The following SZRD1 variants were observed in gnomAD, a reference collection of about 807,000 sequenced individuals.
SZRD1 encodes SUZ RNA binding domain containing 1.
In SZRD1, 7 loss-of-function variants were observed where a neutral mutation model predicts 17.6. The ratio of observed to expected loss-of-function variants is 0.40; its 90% CI spans 0.23 to 0.75. The LOEUF (loss-of-function observed/expected upper bound fraction) is 0.75, where lower values mean the gene tolerates loss of function less well. Among genes scored for constraint, SZRD1 ranks in the 30% least tolerant of loss-of-function variants. SZRD1 has a pLI of 0.38. For synonymous variants in SZRD1, 77 were observed against 77.9 expected (o/e 0.99, Z 0.06); for missense variants, 178 against 201.8 (o/e 0.88, Z 0.71).
intron 1 of SZRD1, among the ~76,000 whole-genome samples, chr1:16,380,570 G>A (rs147181501): frequency 0.011 from 1,661 of 152,242 alleles, 32 homozygotes; most frequent in African/African-American, 0.037. Flanking sequence ...CCGGGTTCAA[G>A]CGATTCTCCC....
intron 1 of SZRD1, among the ~76,000 whole-genome samples, chr1:16,376,816 A>AAC (rs1246813438): frequency 6.6e-6 from 1 of 150,896 alleles, no homozygotes; most frequent in African/African-American, 2.5e-5. Context: ...AAAAAAAAAA[A>AAC]AAAAAAAACG....
At chr1:16,374,152 A>G (rs2082958977) in intron 1 of SZRD1, among the ~76,000 whole-genome samples, 1 of 152,232 alleles carries the variant, frequency 6.6e-6, no homozygotes, top group East Asian at 1.9e-4. Flanking sequence ...AGTAAAAAGA[A>G]GGCATTTAAG....
chr1:16,384,230 ATTGT>A (rs2083152096), intron 1 of SZRD1, among the ~76,000 whole-genome samples: 2 of 152,122 alleles, frequency 1.3e-5, no homozygotes, highest in Non-Finnish European at 2.9e-5. Flanking sequence ...AAGTCCATGG[ATTGT>A]ACATCTGAAC....
intron 1 of SZRD1, chr1:16,367,722 A>T (rs1305074615): frequency 2.6e-5 from 5 of 189,934 alleles, no homozygotes; most frequent in Middle Eastern, 1.9e-3. Flanking sequence ...GCTTGCGCGG[A>T]CCAAGGAGGC....
In SZRD1 at chr1:16,393,497, C is replaced by T. The variant is rs1223567585; in HGVS notation, c.356+15C>T. ...ATCCTCGACAGGTGAGTGTGGCTGG[C>T]AGGGCCGGCCAGTGATGGCTGTCCC... On this transcript the variant is annotated intron_variant, in intron 3 of 3. Coordinates refer to ENST00000401088, the MANE Select transcript of SZRD1 (RefSeq NM_001114600.3). The surrounding 1 kb of genome is among the most constrained non-coding windows in gnomAD (Gnocchi z 5.6). The T allele has an allele frequency of 6.3e-7, 1 of 1,592,350 alleles. No homozygotes were observed. The highest frequency in any genetic ancestry group is 1.8e-5 in the Admixed American group (1 of 56,646).
Position 16,395,645 on chromosome 1 carries a change from T to C in SZRD1, c.*505T>C, listed in dbSNP as rs545212445. 1.1e-4 allele frequency: 17 copies of C among 158,112 alleles called. No homozygotes were observed. The highest frequency in any genetic ancestry group is 2.2e-4 in the African/African-American group (9 of 41,496). 9.8% of individuals were successfully genotyped at this position (158,112 alleles called of 1,614,324 possible). ...CTATTTTTGTTTGTTTATACAAATA[T>C]CTGATTTGCAAGAAAAAGTGCATGG... On this transcript the variant is annotated 3_prime_UTR_variant, in exon 4 of 4. Coordinates refer to ENST00000401088, the MANE Select transcript of SZRD1 (RefSeq NM_001114600.3).
At chr1:16,370,457 C>T (rs2082894748) in intron 1 of SZRD1, among the ~76,000 whole-genome samples, 1 of 151,886 alleles carries the variant, frequency 6.6e-6, no homozygotes, top group South Asian at 2.1e-4. Context: ...GAACTCCTGG[C>T]CTCAAGTGAT....
chr1:16,393,130 G>A lies in SZRD1; in HGVS notation c.102-98G>A. On this transcript the variant is annotated intron_variant, in intron 2 of 3. Coordinates refer to ENST00000401088, the MANE Select transcript of SZRD1 (RefSeq NM_001114600.3). This position sits in a 1 kb window ranked among gnomAD's most constrained non-coding sequence, Gnocchi z 5.6. ...AGAGAATCATGCATGGGTAGAATTA[G>A]GGAGGGAGAGGAAAGTGATGAGAGG... 6.8e-7 allele frequency: 1 copy of A among 1,475,984 alleles called. No individual in the cohort carries two copies. The highest frequency in any genetic ancestry group is 1.3e-5 in the South Asian group (1 of 79,704). 91.4% of individuals were successfully genotyped at this position (1,475,984 alleles called of 1,614,324 possible). A position where few individuals can be genotyped will look rare whatever the true frequency, so the allele number is the denominator to read the frequency against.
At chr1:16,379,832 C>G (rs1371291747) in intron 1 of SZRD1, among the ~76,000 whole-genome samples, 1 of 143,990 alleles carries the variant, frequency 6.9e-6, no homozygotes, top group East Asian at 2.2e-4. Context: ...GCAGTCTTGG[C>G]TCACTGCAAC....
intron 1 of SZRD1, among the ~76,000 whole-genome samples, chr1:16,371,241 G>T (rs1327354814): frequency 6.6e-6 from 1 of 151,926 alleles, no homozygotes; most frequent in Non-Finnish European, 1.5e-5. Context: ...GCCCAGGCTG[G>T]GGTGCAGTGG....
At chr1:16,389,199 T>C (rs575112352) in intron 1 of SZRD1, among the ~76,000 whole-genome samples, 1 of 137,446 alleles carries the variant, frequency 7.3e-6, no homozygotes, top group Non-Finnish European at 1.6e-5. Context: ...TCCTCCTGCC[T>C]CAGCCTCCCG....
intron 1 of SZRD1, among the ~76,000 whole-genome samples, chr1:16,375,865 T>C (rs762174120): frequency 1.3e-5 from 2 of 152,236 alleles, no homozygotes; most frequent in African/African-American, 2.4e-5. Flanking sequence ...CACTCTTCAC[T>C]GACCTTGAGA....
chr1:16,375,348 C>T (rs925802729), intron 1 of SZRD1, among the ~76,000 whole-genome samples: 64 of 151,966 alleles, frequency 4.2e-4, no homozygotes, highest in Middle Eastern at 3.4e-3. Context: ...AGGAGTTTCT[C>T]TCTGTCACCC....
In SZRD1 at chr1:16,395,122, C is replaced by G. The variant is rs1342521037; in HGVS notation, c.441C>G (p.Gly147=). 6.2e-7 allele frequency: 1 copy of G among 1,612,594 alleles called. No homozygotes were observed. Among genetic ancestry groups the G allele is most frequent in the South Asian group, 1.1e-5 (1 of 91,056 alleles). The change falls in exon 4 of 4, where the codon GGC becomes GGG. Residue 147 remains glycine (G), a synonymous_variant. Transcript: ENST00000401088. ...RQPLGPDGSQ[G]FKQRR ...CTTTGGGTCCTGATGGGTCTCAAGG[C>G]TTCAAACAGCGCAGATAAATGCAGG... is the stretch of plus-strand genomic sequence containing the variant.
chr1:16,367,625 CTT>C, intron 1 of SZRD1: 1 of 435,916 alleles, frequency 2.3e-6, no homozygotes, highest in Non-Finnish European at 4.1e-6. Flanking sequence ...CTCTGTGACT[CTT>C]TCCGATGAGC....
In SZRD1 at chr1:16,391,531, C is replaced by A; in HGVS notation, c.101+107C>A. 1 of 977,108 alleles carries A rather than the reference C, an allele frequency of 1.0e-6. No individual in the cohort carries two copies. The highest frequency in any genetic ancestry group is 1.5e-5 in the South Asian group (1 of 66,898). 60.5% of individuals were successfully genotyped at this position (977,108 alleles called of 1,614,324 possible). A position where few individuals can be genotyped will look rare whatever the true frequency, so the allele number is the denominator to read the frequency against. Reference sequence around the variant, plus strand: ...TTAGGATTAGCAGGTCCTAGCAGGTCAGGCTCTGGGGCAGCAAACCCTTCC... The same window carrying A: ...TTAGGATTAGCAGGTCCTAGCAGGTAAGGCTCTGGGGCAGCAAACCCTTCC... On this transcript the variant is annotated intron_variant, in intron 2 of 3. Transcript: ENST00000401088. The surrounding 1 kb of genome is among the most constrained non-coding windows in gnomAD (Gnocchi z 4.3).
rs547944432 is a variant in SZRD1, at chr1:16,386,336, A to G, written c.52-5039A>G. The stretch of plus-strand genomic sequence containing the variant: ...TGGGCAGGACTCTGCATCCTTGTCT[A>G]AAGAGAGGGTTCCCTTAGGTAGTAC... On this transcript the variant is annotated intron_variant, in intron 1 of 3. Transcript: ENST00000401088. 2.6e-5 allele frequency among the ~76,000 whole-genome samples: 4 copies of G among 152,342 alleles called. No individual in the cohort carries two copies. In the South Asian group the frequency reaches 6.2e-4, roughly 24 times the overall value.
chr1:16,378,409 C>G (rs748124288), intron 1 of SZRD1, among the ~76,000 whole-genome samples: 1 of 151,640 alleles, frequency 6.6e-6, no homozygotes, highest in African/African-American at 2.4e-5. Flanking sequence ...CTCAGCCTCC[C>G]GAGTAGCTGG....
chr1:16,368,379 C>T (rs932890062), intron 1 of SZRD1, among the ~76,000 whole-genome samples: 2 of 152,034 alleles, frequency 1.3e-5, no homozygotes, highest in African/African-American at 4.8e-5. Context: ...CTGGAAGAGG[C>T]CGGGAAATTG....
Sources: gnomAD v4.1 joint callset for allele counts (sites outside exome capture counted in the v4.1 genomes callset) on GRCh38, gnomAD v4.1.1 for gene constraint, Gnocchi (gnomAD v3.1) non-coding constraint, MANE v1.5 for transcripts, NCBI Gene and HGNC (gene_info 2026-07-23, HGNC 2026-07-21) for gene names.